SERINC1: variants seen among roughly 807,000 people sequenced by gnomAD.
SERINC1 encodes the protein serine incorporator 1, also known as tumor differentially expressed protein 2.
In SERINC1, 38 loss-of-function variants were observed where a neutral mutation model predicts 52.9. That is an observed-to-expected ratio of 0.72 (90% confidence interval 0.55 to 0.94). SERINC1 has a LOEUF of 0.94. Among genes scored for constraint, SERINC1 ranks in the 40% least tolerant of loss-of-function variants. The pLI is 0.00. For synonymous variants in SERINC1, 198 were observed against 183.1 expected (o/e 1.08, Z -0.66); for missense variants, 471 against 533.9 (o/e 0.88, Z 1.16).
intron 5 of SERINC1, among the ~76,000 whole-genome samples, chr6:122,452,283 A>G (rs1774923621): frequency 1.3e-5 from 2 of 152,198 alleles, no homozygotes; most frequent in African/African-American, 4.8e-5. Context: ...ATTTGCAAGG[A>G]TGGCAAGTTA....
At chr6:122,447,041 G>T (rs759899959) in intron 8 of SERINC1, 37 bp from the exon 9 acceptor site, 16 of 1,575,346 alleles carry the variant, frequency 1.0e-5, no homozygotes, top group African/African-American at 1.4e-5. Context: ...AGAAAAAAAA[G>T]AACATTTTTA....
chr6:122,445,024 T>C lies in SERINC1; in HGVS notation c.*20A>G, dbSNP rs1437139395. On this transcript the variant is annotated 3_prime_UTR_variant, in exon 10 of 10. Transcript: ENST00000339697. ...AAATAAGCAATAATCAAAGTGGGACTTTCATGCTAGAAGTCTCACTCAGTC... is the reference window on the plus strand; with the variant it reads ...AAATAAGCAATAATCAAAGTGGGACCTTCATGCTAGAAGTCTCACTCAGTC... The C allele has an allele frequency of 6.2e-7, 1 of 1,603,716 alleles. No homozygotes were observed.
At chr6:122,469,615 G>C (rs1354311592) in intron 1 of SERINC1, among the ~76,000 whole-genome samples, 3 of 152,146 alleles carry the variant, frequency 2.0e-5, no homozygotes. Flanking sequence ...GGAGTGCAGT[G>C]GCATGATCTC....
rs1283316145 is a variant in SERINC1, at chr6:122,456,692, TTAAG to T, written c.202-46_202-43del. The T allele has an allele frequency of 5.6e-6, 8 of 1,437,354 alleles. No homozygotes were observed. The Admixed American group carries it at 7.4e-5, about 13-fold the overall frequency. 89.0% of individuals were successfully genotyped at this position (1,437,354 alleles called of 1,614,324 possible). On this transcript the variant is annotated intron_variant, in intron 2 of 9. Transcript: ENST00000339697. ...GTTTATGATCCATCATTTTTTTTCA[TTAAG>T]TAAAAATAAAAATTACATGTAATCA...
At chr6:122,446,677 G>A in intron 9 of SERINC1, 97 bp downstream of exon 9, 1 of 747,232 alleles carries the variant, frequency 1.3e-6, no homozygotes, top group Non-Finnish European at 2.3e-6. Flanking sequence ...ATATATCAGA[G>A]GATAAAAAGT....
rs914797228 is a variant in SERINC1, at chr6:122,469,721, AT to A, written c.39+1977del. ...CAGGCATGTGCCACCATACCCAGCT[AT>A]TTTTTTTTGTATTTTTAGTAGAGAC... is the stretch of plus-strand genomic sequence containing the variant. On this transcript the variant is annotated intron_variant, in intron 1 of 9. Transcript: ENST00000339697. Among the ~76,000 whole-genome samples, 729 of 150,528 alleles carry A rather than the reference AT, an allele frequency of 4.8e-3. 4 individuals carry two copies. The highest frequency in any genetic ancestry group is 0.017 in the African/African-American group (682 of 40,982).
intron 1 of SERINC1, among the ~76,000 whole-genome samples, chr6:122,459,827 C>A (rs573654587): frequency 6.6e-6 from 1 of 152,008 alleles, no homozygotes; most frequent in African/African-American, 2.4e-5. Flanking sequence ...AGGGAAAAAA[C>A]GGACTTAACT....
rs909146708 is a variant in SERINC1, at chr6:122,456,951, A to C, written c.202-301T>G. On this transcript the variant is annotated intron_variant, in intron 2 of 9. Coordinates refer to ENST00000339697, the MANE Select transcript of SERINC1 (RefSeq NM_020755.4). Reference sequence around the variant, plus strand: ...TTGCATTCTACTTGAATAGCACGATAGACTTGTTTTAGTAGTGTAAGTGCT... The same window carrying C: ...TTGCATTCTACTTGAATAGCACGATCGACTTGTTTTAGTAGTGTAAGTGCT... 7.2e-5 allele frequency among the ~76,000 whole-genome samples: 11 copies of C among 152,290 alleles called. No homozygotes were observed. In the East Asian group the frequency reaches 2.1e-3, roughly 29 times the overall value.
Position 122,457,072 on chromosome 6 carries a change from TA to T in SERINC1, c.202-423del, listed in dbSNP as rs1395661023. On this transcript the variant is annotated intron_variant, in intron 2 of 9. Transcript: ENST00000339697. ...CCCACTCTTTCCAGTCCCAGCACTC[TA>T]AAAAAACTGCTTTTCCAGGATACTA... 2.0e-5 allele frequency among the ~76,000 whole-genome samples: 3 copies of T among 152,242 alleles called. No homozygotes were observed. The East Asian group carries it at 5.8e-4, about 29-fold the overall frequency.
intron 9 of SERINC1, among the ~76,000 whole-genome samples, chr6:122,446,515 T>C (rs1341883324): frequency 6.6e-6 from 1 of 152,224 alleles, no homozygotes; most frequent in East Asian, 1.9e-4. Context: ...TCAACATGGA[T>C]TTTTGTAAAA....
chr6:122,464,527 G>A (rs1347400591), intron 1 of SERINC1, among the ~76,000 whole-genome samples: 1 of 152,130 alleles, frequency 6.6e-6, no homozygotes, highest in African/African-American at 2.4e-5. Flanking sequence ...GCAGAGGGAC[G>A]GTGTGGAAAC....
chr6:122,457,000 C>T (rs972744389), intron 2 of SERINC1, among the ~76,000 whole-genome samples: 15 of 152,190 alleles, frequency 9.9e-5, no homozygotes, highest in Middle Eastern at 3.4e-3. Context: ...CTGTTCAGAA[C>T]TATTAATACA....
At chr6:122,449,067 T>A (rs1774859843) in intron 7 of SERINC1, among the ~76,000 whole-genome samples, 1 of 152,182 alleles carries the variant, frequency 6.6e-6, no homozygotes, top group African/African-American at 2.4e-5. Flanking sequence ...GGTGAAATAA[T>A]CGACAAACAT....
intron 1 of SERINC1, among the ~76,000 whole-genome samples, chr6:122,470,160 C>T (rs192927596): frequency 3.9e-5 from 6 of 152,200 alleles, no homozygotes; most frequent in African/African-American, 1.4e-4. Context: ...CAGTTCACTA[C>T]GACCATCCCC....
chr6:122,444,810 CTT>C lies in SERINC1; in HGVS notation c.*232_*233del, dbSNP rs559842233. The C allele has an allele frequency of 0.011, 5,475 of 478,078 alleles. 44 individuals carry two copies. The highest frequency in any genetic ancestry group is 0.015 in the Middle Eastern group (27 of 1,812). 29.6% of individuals were successfully genotyped at this position (478,078 alleles called of 1,614,324 possible). A position where few individuals can be genotyped will look rare whatever the true frequency, so the allele number is the denominator to read the frequency against. On this transcript the variant is annotated 3_prime_UTR_variant, in exon 10 of 10. Transcript: ENST00000339697. ...CAGAGAATAAGCCCAATAATGGCCA[CTT>C]TTACTAACTCATCACCATATTCATA...
At chr6:122,468,535 T>TA (rs1775223281) in intron 1 of SERINC1, among the ~76,000 whole-genome samples, 1 of 152,148 alleles carries the variant, frequency 6.6e-6, no homozygotes, top group Non-Finnish European at 1.5e-5. Context: ...ATTTAAGAAT[T>TA]ACTTTTTTTT....
In SERINC1 at chr6:122,451,735, C is replaced by T; in HGVS notation, c.779G>A (p.Gly260Asp). ...PKIQESQPRS[G>D]LLQSSVITVY... The stretch of plus-strand genomic sequence containing the variant: ...TGTAATTACTGAAGACTGTAACAAA[C>T]CAGATCTTGGTTGTGATTCCTACAA... The change falls in exon 7 of 10, where the codon GGT becomes GAT. Residue 260 changes from glycine (G) to aspartate (D), a missense_variant. Physicochemically the swap from Gly to Asp is moderately conservative, Grantham distance 94 (BLOSUM62 -1). Transcript: ENST00000339697. 1.2e-6 allele frequency: 1 copy of T among 857,088 alleles called. No homozygotes were observed. The highest frequency in any genetic ancestry group is 1.5e-6 in the Non-Finnish European group (1 of 652,284). The allele number at this position is 857,088 out of a possible 1,614,324, so 53.1% of individuals were successfully genotyped here. A position where few individuals can be genotyped will look rare whatever the true frequency, so the allele number is the denominator to read the frequency against.
chr6:122,450,349 T>A (rs1459893167), intron 7 of SERINC1, among the ~76,000 whole-genome samples: 1 of 152,210 alleles, frequency 6.6e-6, no homozygotes, highest in Non-Finnish European at 1.5e-5. Flanking sequence ...CGGAATATTT[T>A]AAGCCCATTG....
chr6:122,469,447 G>A (rs1775238455), intron 1 of SERINC1, among the ~76,000 whole-genome samples: 1 of 151,624 alleles, frequency 6.6e-6, no homozygotes, highest in African/African-American at 2.4e-5. Context: ...CGCCATCTTG[G>A]CTCACTGCAG....
Sources: allele counts gnomAD v4.1 joint callset (sites outside exome capture counted in the v4.1 genomes callset), GRCh38; gene constraint gnomAD v4.1.1; transcripts MANE v1.5; gene names NCBI Gene and HGNC (gene_info 2026-07-23, HGNC 2026-07-21).